GSTP1: variants seen among roughly 807,000 people sequenced by gnomAD.
GSTP1 encodes glutathione S-transferase P.
In GSTP1, 28 loss-of-function variants were observed where a neutral mutation model predicts 29.4. The ratio of observed to expected loss-of-function variants is 0.95; its 90% CI spans 0.71 to 1.30. The LOEUF (loss-of-function observed/expected upper bound fraction) is 1.30, where lower values mean the gene tolerates loss of function less well. Ranked by LOEUF, GSTP1 falls within the 50% of genes most tolerant of loss-of-function variation. GSTP1 has a pLI of 0.00. For synonymous variants in GSTP1, 122 were observed against 117.0 expected (o/e 1.04, Z -0.28); for missense variants, 267 against 266.1 (o/e 1.00, Z -0.02).
chr11:67,584,614 A>T, intron 3 of GSTP1, 44 bp downstream of exon 3: 1 of 1,569,572 alleles, frequency 6.4e-7, no homozygotes, highest in Non-Finnish European at 8.8e-7. Flanking sequence ...GCTGGGCCTT[A>T]GGGGGCTGTG....
In GSTP1 at chr11:67,586,587, G is replaced by C; in HGVS notation, c.*10G>C. 1 of 1,603,626 alleles carries C rather than the reference G, an allele frequency of 6.2e-7. No homozygotes were observed. The highest frequency in any genetic ancestry group is 8.5e-7 in the Non-Finnish European group (1 of 1,173,428). ...CAACGGGAAACAGTGAGGGTTGGGG[G>C]GACTCTGAGCGGGAGGCAGAGTTTG... is the stretch of plus-strand genomic sequence containing the variant. On this transcript the variant is annotated 3_prime_UTR_variant, in exon 7 of 7. Coordinates refer to ENST00000398606, the MANE Select transcript of GSTP1 (RefSeq NM_000852.4).
At chr11:67,585,881 TA>T (rs1188889088) in intron 5 of GSTP1, among the ~76,000 whole-genome samples, 1 of 152,086 alleles carries the variant, frequency 6.6e-6, no homozygotes, top group Non-Finnish European at 1.5e-5. Flanking sequence ...AAGCCAGCTC[TA>T]AAGCTTTTGC....
rs755205239 is a variant in GSTP1 at position 67,586,081 on chromosome 11, T to C, written c.337-23T>C. 1.5e-5 allele frequency: 24 copies of C among 1,563,552 alleles called. No individual in the cohort carries two copies. In the Middle Eastern group the frequency reaches 5.0e-4, roughly 33 times the overall value. ...GGGGCTGGGAGGGATGAGAGTAGGA[T>C]GATACATGGTGGTGTCTGGCAGGAG... On this transcript the variant is annotated intron_variant, in intron 5 of 6. Transcript: ENST00000398606.
In GSTP1 at chr11:67,586,569, A is replaced by T. The variant is rs1248232455; in HGVS notation, c.625A>T (p.Lys209Ter). ...YVNLPINGNG[K>*]Q ...GAACCTCCCCATCAATGGCAACGGG[A>T]AACAGTGAGGGTTGGGGGGACTCTG... The change falls in exon 7 of 7, where the codon AAA (lysine) becomes TAA (stop). Residue 209 changes from lysine to a stop codon, truncating the protein, a stop_gained. Coordinates refer to ENST00000398606, the MANE Select transcript of GSTP1 (RefSeq NM_000852.4). LOFTEE classifies it high-confidence loss of function. The T allele has an allele frequency of 6.2e-7, 1 of 1,612,366 alleles. No homozygotes were observed. Among genetic ancestry groups the T allele is most frequent in the Non-Finnish European group, 8.5e-7 (1 of 1,179,018 alleles).
Position 67,586,291 on chromosome 11 carries a change from C to T in GSTP1, c.444+80C>T, listed in dbSNP as rs377397138. On this transcript the variant is annotated intron_variant, in intron 6 of 6. Coordinates refer to ENST00000398606, the MANE Select transcript of GSTP1 (RefSeq NM_000852.4). The stretch of plus-strand genomic sequence containing the variant: ...ACACAGGTGTGAGCCATTTGTTTAG[C>T]AAAGCAGAGCAGACCTAGGGGATGG... The T allele has an allele frequency of 2.0e-5, 30 of 1,529,358 alleles. 1 individual carries two copies. The South Asian group carries it at 3.1e-4, about 16-fold the overall frequency. 94.7% of individuals were successfully genotyped at this position (1,529,358 alleles called of 1,614,324 possible). A position where few individuals can be genotyped will look rare whatever the true frequency, so the allele number is the denominator to read the frequency against.
Position 67,583,865 on chromosome 11 carries a change from T to G in GSTP1, c.1+21T>G, listed in dbSNP as rs45439104. ...CACCAGTGAGTACGCGCGGCCCGCG[T>G]CCCCGGGGATGGGGCTCAGAGCTCC... is the stretch of plus-strand genomic sequence containing the variant. On this transcript the variant is annotated intron_variant, in intron 1 of 6. Transcript: ENST00000398606. 4.0e-4 allele frequency: 294 copies of G among 742,222 alleles called. 1 individual carries two copies. The African/African-American group carries it at 4.8e-3, about 12-fold the overall frequency. The allele number at this position is 742,222 out of a possible 1,614,324, so 46.0% of individuals were successfully genotyped here.
intron 4 of GSTP1, 133 bp downstream of exon 4, chr11:67,584,905 C>G: frequency 1.3e-6 from 1 of 757,224 alleles, no homozygotes; most frequent in Non-Finnish European, 2.2e-6. Flanking sequence ...ACGTAGTTTG[C>G]CCAAGGTCAA....
rs1867469168 is a variant in GSTP1, at chr11:67,586,466, C to T, written c.522C>T (p.Phe174=). The T allele has an allele frequency of 1.2e-6, 2 of 1,613,998 alleles. No homozygotes were observed. The highest frequency in any genetic ancestry group is 1.7e-6 in the Non-Finnish European group (2 of 1,179,964). The change falls in exon 7 of 7, where the codon TTC becomes TTT. Residue 174 remains phenylalanine, a synonymous_variant. Coordinates refer to ENST00000398606, the MANE Select transcript of GSTP1 (RefSeq NM_000852.4). ...TAGCCCCTGGCTGCCTGGATGCGTT[C>T]CCCCTGCTCTCAGCATATGTGGGGC... ...EVLAPGCLDA[F]PLLSAYVGRL...
At chr11:67,584,412 G>A (rs1867429740) in intron 2 of GSTP1, 52 bp from the exon 3 acceptor site, 1 of 1,034,656 alleles carries the variant, frequency 9.7e-7, no homozygotes, top group Non-Finnish European at 1.4e-6. Context: ...CCGGGTTGCT[G>A]CGAGGCGGAG....
rs768442916 is a variant in GSTP1, at chr11:67,586,116, G to A, written c.349G>A (p.Asp117Asn). The part of the protein sequence containing the change: ...LIYTNYEAGK[D>N]DYVKALPGQL... ...TGGTGTCTGGCAGGAGGCGGGCAAG[G>A]ATGACTATGTGAAGGCACTGCCCGG... Residue 117 changes from aspartate (D) to asparagine (N), a missense_variant, in exon 6 of 7, where the codon GAT becomes AAT. Asp to Asn is a conservative substitution (Grantham distance 23). Transcript: ENST00000398606. The A allele has an allele frequency of 1.2e-6, 2 of 1,613,514 alleles. No homozygotes were observed. The highest frequency in any genetic ancestry group is 2.7e-5 in the African/African-American group (2 of 74,978).
chr11:67,584,334 C>T, intron 2 of GSTP1, 130 bp from the exon 3 acceptor site: 1 of 718,410 alleles, frequency 1.4e-6, no homozygotes, highest in Admixed American at 2.8e-5. Flanking sequence ...TGCTCCCCGC[C>T]CCAGTGTTGT....
chr11:67,586,529 C>T lies in GSTP1; in HGVS notation c.585C>T (p.Ala195=). 1 of 1,614,210 alleles carries T rather than the reference C, an allele frequency of 6.2e-7. No homozygotes were observed. ...GGCCCAAGCTCAAGGCCTTCCTGGC[C>T]TCCCCTGAGTACGTGAACCTCCCCA... The part of the protein sequence containing the change: ...SARPKLKAFL[A]SPEYVNLPIN... Residue 195 remains alanine, a synonymous_variant, in exon 7 of 7, where the codon GCC becomes GCT. Coordinates refer to ENST00000398606, the MANE Select transcript of GSTP1 (RefSeq NM_000852.4).
rs1867429251 is a variant in GSTP1 at position 67,584,381 on chromosome 11, C to T, written c.38-83C>T. On this transcript the variant is annotated intron_variant, in intron 2 of 6. Coordinates refer to ENST00000398606, the MANE Select transcript of GSTP1 (RefSeq NM_000852.4). ...GGAGGAACCTGTTTCCCTGTTCCCT[C>T]CCTGCACTCCTGACCCCTCCCCGGG... The T allele has an allele frequency of 1.2e-5, 9 of 769,112 alleles. No individual in the cohort carries two copies. The Admixed American group carries it at 2.3e-4, about 19-fold the overall frequency. 47.6% of individuals were successfully genotyped at this position (769,112 alleles called of 1,614,324 possible).
Position 67,584,747 on chromosome 11 carries a change from CCTGCG to C in GSTP1, c.208_212del (p.Leu70SerfsTer24). The C allele has an allele frequency of 3.1e-6, 5 of 1,613,228 alleles. No individual in the cohort carries two copies. The highest frequency in any genetic ancestry group is 4.2e-6 in the Non-Finnish European group (5 of 1,179,500). ...TCACCCTGTACCAGTCCAATACCAT[CCTGCG>C]TCACCTGGGCCGCACCCTTGGTGAG... is the stretch of plus-strand genomic sequence containing the variant. On this transcript the variant is annotated frameshift_variant, in exon 4 of 7. Transcript: ENST00000398606. LOFTEE classifies it high-confidence loss of function.
chr11:67,583,986 G>A (rs1309877171), intron 1 of GSTP1, 142 bp downstream of exon 1: 4 of 697,278 alleles, frequency 5.7e-6, no homozygotes, highest in African/African-American at 5.3e-5. Flanking sequence ...GACCCAGGAC[G>A]TCCCCAGTGC....
At position 67,584,137 on chromosome 11, in the gene GSTP1, C is replaced by T. The variant is rs748870439; in HGVS notation, c.5C>T (p.Pro2Leu). The change falls in exon 2 of 7, where the codon CCG becomes CTG. Residue 2 changes from proline to leucine, a missense_variant. Physicochemically the swap from Pro to Leu is moderately conservative, Grantham distance 98. Transcript: ENST00000398606. Reference protein sequence around the residue: MPPYTVVYFPVR... With the variant: MLPYTVVYFPVR... ...AACTTTTCTTTGTTCGCTGCAGTGC[C>T]GCCCTACACCGTGGTCTATTTCCCA... The T allele has an allele frequency of 6.2e-7, 1 of 1,612,452 alleles. No individual in the cohort carries two copies. Among genetic ancestry groups the T allele is most frequent in the South Asian group, 1.1e-5 (1 of 91,036 alleles).
chr11:67,583,931 GCAGGGCT>G lies in GSTP1; in HGVS notation c.1+89_1+95del, dbSNP rs1867420953. The G allele has an allele frequency of 1.9e-5, 13 of 676,618 alleles. No individual in the cohort carries two copies. The South Asian group carries it at 2.1e-4, about 11-fold the overall frequency. The allele number at this position is 676,618 out of a possible 1,614,324, so 41.9% of individuals were successfully genotyped here. On this transcript the variant is annotated intron_variant, in intron 1 of 6. Transcript: ENST00000398606. ...CCGCAGCATCAGGCCCGGGCTCCCG[GCAGGGCT>G]CCTCGCCCACCTCGAGACCCGGGAC...
rs1001448524 is a variant in GSTP1, at chr11:67,586,322, G to C, written c.445-67G>C. ...AGAGCAGACCTAGGGGATGGGCTTA[G>C]GCCCTCTGCCCCCAATTCCTCCAGC... On this transcript the variant is annotated intron_variant, in intron 6 of 6. Coordinates refer to ENST00000398606, the MANE Select transcript of GSTP1 (RefSeq NM_000852.4). 11 of 1,546,494 alleles carry C rather than the reference G, an allele frequency of 7.1e-6. No homozygotes were observed. In the African/African-American group the frequency reaches 1.2e-4, roughly 17 times the overall value.
At chr11:67,585,617 A>G (rs1049893787) in intron 5 of GSTP1, among the ~76,000 whole-genome samples, 1 of 152,176 alleles carries the variant, frequency 6.6e-6, no homozygotes, top group Non-Finnish European at 1.5e-5. Flanking sequence ...ATGCAGACAC[A>G]GAGCACATTT....
Sources: allele counts gnomAD v4.1 joint callset (sites outside exome capture counted in the v4.1 genomes callset), GRCh38; gene constraint gnomAD v4.1.1; transcripts MANE v1.5; gene names NCBI Gene and HGNC (gene_info 2026-07-23, HGNC 2026-07-21).